The following HNRNPUL1 variants were observed in gnomAD, a reference collection of about 807,000 sequenced individuals.
HNRNPUL1 encodes the protein heterogeneous nuclear ribonucleoprotein U-like protein 1.
A neutral mutation model predicts 108.5 loss-of-function variants in HNRNPUL1; 14 were observed. The ratio of observed to expected loss-of-function variants is 0.13; its 90% CI spans 0.09 to 0.20. The LOEUF is 0.20. Ranked by LOEUF, HNRNPUL1 falls within the 10% of genes least tolerant of loss-of-function variation. HNRNPUL1 has a pLI of 1.00. For missense variants in HNRNPUL1, 804 were observed against 1,168.3 expected (o/e 0.69, Z 4.55); for synonymous variants, 422 against 445.2 (o/e 0.95, Z 0.66).
Position 41,302,956 on chromosome 19 carries a change from C to T in HNRNPUL1, c.1972+7C>T. 1 of 1,520,880 alleles carries T rather than the reference C, an allele frequency of 6.6e-7. No homozygotes were observed. Among genetic ancestry groups the T allele is most frequent in the Non-Finnish European group, 8.8e-7 (1 of 1,136,498 alleles). 94.2% of individuals were successfully genotyped at this position (1,520,880 alleles called of 1,614,324 possible). On this transcript the variant is annotated splice_region_variant and intron_variant, in intron 12 of 14. Transcript: ENST00000392006. ...GGAGGCAACTACCGAGGAGGTGAGACATCTCACACACAGCACTCTCCACTT... is the reference window on the plus strand; with the variant it reads ...GGAGGCAACTACCGAGGAGGTGAGATATCTCACACACAGCACTCTCCACTT...
chr19:41,272,130 C>T lies in HNRNPUL1; in HGVS notation c.467C>T (p.Pro156Leu). The T allele has an allele frequency of 1.2e-6, 2 of 1,614,134 alleles. No homozygotes were observed. Among genetic ancestry groups the T allele is most frequent in the African/African-American group, 1.3e-5 (1 of 75,032 alleles). ...KQGAPTSFLP[P>L]EASQLKPDRQ... ...GGAGCACCCACCAGCTTCCTCCCGCCTGAAGCTTCTCAACTCAAGCCAGAC... is the reference window on the plus strand; with the variant it reads ...GGAGCACCCACCAGCTTCCTCCCGCTTGAAGCTTCTCAACTCAAGCCAGAC... Residue 156 changes from proline (P) to leucine (L), a missense_variant, in exon 3 of 15, where the codon CCT becomes CTT. This residue lies in a region of HNRNPUL1 where 256 missense variants were observed against 261.6 expected (regional missense o/e 0.98). Coordinates refer to ENST00000392006, the MANE Select transcript of HNRNPUL1 (RefSeq NM_007040.6).
chr19:41,282,946 G>A (rs977293177), intron 7 of HNRNPUL1, among the ~76,000 whole-genome samples: 1 of 151,656 alleles, frequency 6.6e-6, no homozygotes, highest in Non-Finnish European at 1.5e-5. Flanking sequence ...CGCCCGCCTC[G>A]GCCTCCCAAA....
chr19:41,285,010 AAAAG>A (rs1485454889), intron 7 of HNRNPUL1, among the ~76,000 whole-genome samples: 1 of 151,950 alleles, frequency 6.6e-6, no homozygotes, highest in Non-Finnish European at 1.5e-5. Flanking sequence ...AAAAAAAAAA[AAAAG>A]GGCATACCTA....
intron 7 of HNRNPUL1, among the ~76,000 whole-genome samples, chr19:41,289,617 C>T (rs752443790): frequency 1.3e-5 from 2 of 151,400 alleles, no homozygotes; most frequent in African/African-American, 2.4e-5. Flanking sequence ...TGGTTGAGGG[C>T]GCCGGTTTCT....
At chr19:41,297,760 T>C (rs1206020628) in intron 10 of HNRNPUL1, among the ~76,000 whole-genome samples, 1 of 152,158 alleles carries the variant, frequency 6.6e-6, no homozygotes, top group Admixed American at 6.5e-5. Flanking sequence ...GCTGGATGGG[T>C]TGACGTCACA....
intron 7 of HNRNPUL1, among the ~76,000 whole-genome samples, chr19:41,285,223 A>G (rs1350016311): frequency 6.6e-6 from 1 of 152,200 alleles, no homozygotes; most frequent in African/African-American, 2.4e-5. Context: ...CCCAGGCATC[A>G]TTAAGGTATA....
At chr19:41,277,200 T>C (rs958833030) in intron 5 of HNRNPUL1, among the ~76,000 whole-genome samples, 2 of 152,208 alleles carry the variant, frequency 1.3e-5, no homozygotes, top group Non-Finnish European at 2.9e-5. Context: ...GGAACTTCTG[T>C]GTTAACAATT....
At chr19:41,278,664 G>A (rs896146545) in intron 5 of HNRNPUL1, among the ~76,000 whole-genome samples, 47 of 151,998 alleles carry the variant, frequency 3.1e-4, no homozygotes, top group African/African-American at 1.1e-3. Flanking sequence ...GGCCAGGCTG[G>A]TTCCTAACTC....
At chr19:41,280,220 G>T (rs1024172477) in intron 6 of HNRNPUL1, among the ~76,000 whole-genome samples, 1 of 152,282 alleles carries the variant, frequency 6.6e-6, no homozygotes, top group Non-Finnish European at 1.5e-5. Context: ...GAAGTGTTAG[G>T]GGGTAACAAG....
intron 1 of HNRNPUL1, among the ~76,000 whole-genome samples, chr19:41,266,469 T>A (rs1228130613): frequency 2.8e-5 from 4 of 143,484 alleles, no homozygotes; most frequent in East Asian, 4.4e-4. Context: ...CTCTTTTTTT[T>A]AAATACAGAT....
intron 10 of HNRNPUL1, among the ~76,000 whole-genome samples, chr19:41,295,703 C>T (rs1029026116): frequency 4.6e-5 from 7 of 152,194 alleles, no homozygotes; most frequent in Non-Finnish European, 7.3e-5. Flanking sequence ...GCCTTCCATA[C>T]GTGTAGGCCT....
rs1386487499 is a variant in HNRNPUL1, at chr19:41,279,267, C to G, written c.886+91C>G. ...GCTCCTAAGCTTCCTTTTCCAGCGT[C>G]AGACTTAGAATAGAACTAGGCTGAA... On this transcript the variant is annotated intron_variant, in intron 6 of 14. Transcript: ENST00000392006. 49 of 876,462 alleles carry G rather than the reference C, an allele frequency of 5.6e-5. No homozygotes were observed. The East Asian group carries it at 1.1e-3, about 20-fold the overall frequency. The allele number at this position is 876,462 out of a possible 1,614,324, so 54.3% of individuals were successfully genotyped here. A position where few individuals can be genotyped will look rare whatever the true frequency, so the allele number is the denominator to read the frequency against.
At position 41,301,623 on chromosome 19, in the gene HNRNPUL1, G is replaced by C. The variant is rs747516113; in HGVS notation, c.1606G>C (p.Glu536Gln). The C allele has an allele frequency of 6.2e-7, 1 of 1,614,160 alleles. No individual in the cohort carries two copies. The highest frequency in any genetic ancestry group is 1.1e-5 in the South Asian group (1 of 91,080). The change falls in exon 11 of 15, where the codon GAG (glutamate) becomes CAG (glutamine). Residue 536 changes from glutamate to glutamine, a missense_variant. Transcript: ENST00000392006. ...RKAIVICPTD[E>Q]DLKDRTIKRT... Reference sequence around the variant, plus strand: ...AGCTATTGTAATTTGTCCCACTGACGAGGACCTAAAAGACCGAACAATAAA... The same window carrying C: ...AGCTATTGTAATTTGTCCCACTGACCAGGACCTAAAAGACCGAACAATAAA...
At chr19:41,269,193 C>T (rs1339035057) in intron 2 of HNRNPUL1, among the ~76,000 whole-genome samples, 6 of 151,498 alleles carry the variant, frequency 4.0e-5, no homozygotes, top group Non-Finnish European at 8.8e-5. Flanking sequence ...AGGCCAGGTG[C>T]GCTGGCTCAT....
intron 7 of HNRNPUL1, among the ~76,000 whole-genome samples, chr19:41,284,736 G>A (rs1243839829): frequency 3.3e-5 from 5 of 151,194 alleles, no homozygotes; most frequent in Admixed American, 1.3e-4. Context: ...GGTGGCTCAC[G>A]CCTGTAATCC....
At chr19:41,273,782 C>G (rs1049101148) in intron 3 of HNRNPUL1, among the ~76,000 whole-genome samples, 200 bp from the exon 4 acceptor site, 5 of 152,332 alleles carry the variant, frequency 3.3e-5, no homozygotes, top group African/African-American at 1.2e-4. Flanking sequence ...CAATCCCTGT[C>G]TCCACCGTAG....
intron 1 of HNRNPUL1, 33 bp downstream of exon 1, chr19:41,264,831 C>T: frequency 1.5e-6 from 2 of 1,339,212 alleles, no homozygotes; most frequent in Middle Eastern, 2.8e-4. Context: ...CCGGGGAGCC[C>T]GGAGCCTGGG....
chr19:41,299,923 T>C (rs1427437898), intron 10 of HNRNPUL1, among the ~76,000 whole-genome samples: 1 of 152,116 alleles, frequency 6.6e-6, no homozygotes, highest in Non-Finnish European at 1.5e-5. Flanking sequence ...GTGTTGGCTA[T>C]GAGCCAGGGC....
chr19:41,292,122 A>G lies in HNRNPUL1; in HGVS notation c.1000-123A>G. ...TGCCCAGCTTACCTGTATGTTGGGGAAGGATGCACTTCAATCTGGAAAGCT... is the reference window on the plus strand; with the variant it reads ...TGCCCAGCTTACCTGTATGTTGGGGGAGGATGCACTTCAATCTGGAAAGCT... On this transcript the variant is annotated intron_variant, in intron 7 of 14. Coordinates refer to ENST00000392006, the MANE Select transcript of HNRNPUL1 (RefSeq NM_007040.6). This position sits in a 1 kb window ranked among gnomAD's most constrained non-coding sequence, Gnocchi z 4.1. The G allele has an allele frequency of 1.0e-6, 1 of 967,026 alleles. No individual in the cohort carries two copies. Among genetic ancestry groups the G allele is most frequent in the Admixed American group, 1.9e-5 (1 of 52,476 alleles). The allele number at this position is 967,026 out of a possible 1,614,324, so 59.9% of individuals were successfully genotyped here. A position where few individuals can be genotyped will look rare whatever the true frequency, so the allele number is the denominator to read the frequency against.
Sources: allele counts gnomAD v4.1 joint callset (sites outside exome capture counted in the v4.1 genomes callset), GRCh38; gene constraint gnomAD v4.1.1; regional missense constraint gnomAD v4.1.1; non-coding constraint Gnocchi (gnomAD v3.1); transcripts MANE v1.5; gene names NCBI Gene and HGNC (gene_info 2026-07-23, HGNC 2026-07-21).